PDZD2: variants seen among roughly 807,000 people sequenced by gnomAD.
The protein encoded by PDZD2 is PDZ domain containing 2, also known as PDZ domain-containing protein 2.
PDZD2 carries 90 observed loss-of-function variants against 220.7 expected under a neutral mutation model. That is an observed-to-expected ratio of 0.41 (90% CI 0.34 to 0.49). The LOEUF is 0.49. Ranked by LOEUF, PDZD2 falls within the 20% of genes least tolerant of loss-of-function variation. PDZD2 has a pLI of 0.28. For synonymous variants in PDZD2, 1,375 were observed against 1,450.5 expected, an observed-to-expected ratio of 0.95 and a Z score of 1.18; for missense variants, 3,174 against 3,608.5, an observed-to-expected ratio of 0.88 and a Z score of 3.08.
At chr5:31,951,012 T>G (rs1747128508) in intron 2 of PDZD2, among the ~76,000 whole-genome samples, 1 of 152,214 alleles carries the variant, frequency 6.6e-6, no homozygotes, top group African/African-American at 2.4e-5. Flanking sequence ...TGGCACCTTC[T>G]TGCTGTACCT....
intron 2 of PDZD2, among the ~76,000 whole-genome samples, chr5:31,800,549 A>G (rs1479702261): frequency 6.6e-6 from 1 of 151,904 alleles, no homozygotes; most frequent in African/African-American, 2.4e-5. Context: ...CTTAGCATAA[A>G]CTCTCTGGCA....
intron 1 of PDZD2, among the ~76,000 whole-genome samples, chr5:31,758,254 A>C (rs1751415824): frequency 6.6e-6 from 1 of 152,198 alleles, no homozygotes; most frequent in Non-Finnish European, 1.5e-5. Context: ...GGGGCTCAAC[A>C]AATCTTGTTC....
At chr5:31,919,120 G>A (rs1004982178) in intron 2 of PDZD2, among the ~76,000 whole-genome samples, 3 of 152,228 alleles carry the variant, frequency 2.0e-5, no homozygotes, top group Non-Finnish European at 2.9e-5. Flanking sequence ...TGGTGGAGGA[G>A]TGAGTAGGTT....
intron 7 of PDZD2, among the ~76,000 whole-genome samples, chr5:32,047,005 C>A (rs1297611524): frequency 6.6e-6 from 1 of 151,958 alleles, no homozygotes; most frequent in Non-Finnish European, 1.5e-5. Flanking sequence ...TGCGCCACTG[C>A]ACTCCAGCCT....
intron 1 of PDZD2, among the ~76,000 whole-genome samples, chr5:31,729,644 C>T (rs1267995565): frequency 1.3e-5 from 2 of 152,144 alleles, no homozygotes; most frequent in Non-Finnish European, 2.9e-5. Context: ...TTTTGTCCAT[C>T]CACCAACTTC....
chr5:31,803,898 G>C (rs558982856), intron 2 of PDZD2, among the ~76,000 whole-genome samples: 1 of 151,924 alleles, frequency 6.6e-6, no homozygotes, highest in Admixed American at 6.6e-5. Flanking sequence ...AATTAGCTGG[G>C]CATGGTGGTG....
intron 7 of PDZD2, among the ~76,000 whole-genome samples, chr5:32,039,377 G>A (rs1375613537): frequency 6.6e-6 from 1 of 151,884 alleles, no homozygotes; most frequent in Non-Finnish European, 1.5e-5. Context: ...CAGGTGCTGG[G>A]ATTGCAGACG....
At chr5:31,778,183 G>A (rs1198347342) in intron 1 of PDZD2, among the ~76,000 whole-genome samples, 1 of 152,182 alleles carries the variant, frequency 6.6e-6, no homozygotes, top group African/African-American at 2.4e-5. Context: ...CTAGCTCAGG[G>A]ATTGTAAACA....
chr5:32,023,515 T>C (rs1289646136), intron 6 of PDZD2, among the ~76,000 whole-genome samples: 2 of 152,252 alleles, frequency 1.3e-5, no homozygotes, highest in African/African-American at 4.8e-5. Context: ...AGTATGTACA[T>C]TTTAAACAGA....
chr5:31,962,863 C>A (rs1430958480), intron 2 of PDZD2, among the ~76,000 whole-genome samples: 1 of 152,060 alleles, frequency 6.6e-6, no homozygotes, highest in African/African-American at 2.4e-5. Flanking sequence ...CTTCCAGATT[C>A]TTCCAGATCA....
Position 32,074,654 on chromosome 5 carries a change from T to A in PDZD2, c.3537+11T>A. On this transcript the variant is annotated intron_variant, in intron 18 of 24. Coordinates refer to ENST00000438447, the MANE Select transcript of PDZD2 (RefSeq NM_178140.4). ...GGAGCTGTGGAGAAGGTAACTGACT[T>A]TCTCTTAGTTACTTGGAATGGAAGT... The A allele has an allele frequency of 1.3e-6, 2 of 1,561,738 alleles. No individual in the cohort carries two copies. Among genetic ancestry groups the A allele is most frequent in the Non-Finnish European group, 1.7e-6 (2 of 1,147,736 alleles).
intron 2 of PDZD2, among the ~76,000 whole-genome samples, chr5:31,849,698 G>T (rs1453127059): frequency 6.6e-6 from 1 of 151,290 alleles, no homozygotes; most frequent in Non-Finnish European, 1.5e-5. Flanking sequence ...ACAAAAATTA[G>T]CCAGGTGTGG....
intron 6 of PDZD2, among the ~76,000 whole-genome samples, chr5:32,024,960 A>C (rs1446329456): frequency 6.6e-6 from 1 of 152,254 alleles, no homozygotes; most frequent in Non-Finnish European, 1.5e-5. Flanking sequence ...GCCCCCAGGC[A>C]TGTTGGCTGA....
At chr5:32,066,498 C>G (rs1474121222) in intron 14 of PDZD2, among the ~76,000 whole-genome samples, 1 of 152,198 alleles carries the variant, frequency 6.6e-6, no homozygotes, top group African/African-American at 2.4e-5. Flanking sequence ...TGTTTCACTG[C>G]TGGCTCTCTT....
At chr5:31,794,393 C>CTT (rs34331530) in intron 1 of PDZD2, among the ~76,000 whole-genome samples, 141 of 105,184 alleles carry the variant, frequency 1.3e-3, no homozygotes, top group Non-Finnish European at 1.8e-3. Context: ...TTCTTTCTTT[C>CTT]TTTTTTTTTT....
chr5:31,824,278 G>A lies in PDZD2; in HGVS notation c.476+24554G>A, dbSNP rs567599047. Among the ~76,000 whole-genome samples, 22 of 152,244 alleles carry A rather than the reference G, an allele frequency of 1.4e-4. No homozygotes were observed. In the South Asian group the frequency reaches 3.9e-3, roughly 27 times the overall value. ...TAGCTGTATTCTTACCTACAGAACC[G>A]TGAGCTAATAAATGGGTATTGCTCC... On this transcript the variant is annotated intron_variant, in intron 2 of 24. Transcript: ENST00000438447.
intron 2 of PDZD2, among the ~76,000 whole-genome samples, chr5:31,808,970 C>T (rs1292145548): frequency 6.8e-6 from 1 of 147,478 alleles, no homozygotes; most frequent in African/African-American, 2.6e-5. Flanking sequence ...CAGAGCAAGA[C>T]TCCATCTCAA....
At chr5:31,810,886 T>C (rs74601251) in intron 2 of PDZD2, among the ~76,000 whole-genome samples, 1,946 of 152,372 alleles carry the variant, frequency 0.013, 42 homozygotes, top group African/African-American at 0.044. Context: ...TATAGATTTC[T>C]TCATGGGATT....
chr5:31,764,180 C>T (rs1048741061), intron 1 of PDZD2, among the ~76,000 whole-genome samples: 2 of 152,190 alleles, frequency 1.3e-5, no homozygotes, highest in African/African-American at 4.8e-5. Flanking sequence ...CATCATTTCT[C>T]ATGATAAAGT....
Sources: gnomAD v4.1 joint callset for allele counts (sites outside exome capture counted in the v4.1 genomes callset) on GRCh38, gnomAD v4.1.1 for gene constraint, MANE v1.5 for transcripts, NCBI Gene and HGNC (gene_info 2026-07-23, HGNC 2026-07-21) for gene names.